ZNF695: variants seen among roughly 807,000 people sequenced by gnomAD.
The protein encoded by ZNF695 is zinc finger protein SBZF3.
ZNF695 carries 11 observed loss-of-function variants against 11.2 expected under a neutral mutation model. The ratio of observed to expected loss-of-function variants is 0.98; its 90% CI spans 0.62 to 1.62. The LOEUF (loss-of-function observed/expected upper bound fraction) is 1.62, where lower values mean the gene tolerates loss of function less well. Among genes scored for constraint, ZNF695 ranks in the 40% most tolerant of loss-of-function variants. The pLI is 0.00. For missense variants in ZNF695, 559 were observed against 590.5 expected (o/e 0.95, Z 0.55); for synonymous variants, 190 against 201.4 (o/e 0.94, Z 0.48).
chr1:246,952,361 TTTTA>T (rs1444259034), intron 5 of ZNF695, among the ~76,000 whole-genome samples: 12 of 152,360 alleles, frequency 7.9e-5, no homozygotes, highest in African/African-American at 2.9e-4. Context: ...GATTTAAACA[TTTTA>T]TTTATTTTGT....
chr1:246,953,034 C>T (rs1010266903), intron 5 of ZNF695, among the ~76,000 whole-genome samples: 2 of 152,138 alleles, frequency 1.3e-5, no homozygotes, highest in African/African-American at 4.8e-5. Context: ...GTCCACCCCA[C>T]AATCCTCTGA....
chr1:247,006,937 T>C (rs1239399460), intron 1 of ZNF695, among the ~76,000 whole-genome samples: 1 of 152,176 alleles, frequency 6.6e-6, no homozygotes, highest in Non-Finnish European at 1.5e-5. Context: ...ATTGCAAACT[T>C]GGAGAAAAAC....
chr1:246,947,238 C>T (rs1241321773), intron 5 of ZNF695, among the ~76,000 whole-genome samples: 3 of 138,240 alleles, frequency 2.2e-5, no homozygotes, highest in South Asian at 2.4e-4. Flanking sequence ...CTCCCTTTGT[C>T]GCCCAGGCTG....
chr1:246,987,484 C>A lies in ZNF695; in HGVS notation c.1031G>T (p.Arg344Ile), dbSNP rs1345264679. ...GAAGGTTTTCTCTCCAGTATGAATT[C>A]TTCTATGTTGAGTAAGGTATGACAA... Reference protein sequence around the residue: ...KLLSYLTQHRRIHTGEKTFRC... With the variant: ...KLLSYLTQHRIIHTGEKTFRC... Residue 344 changes from arginine to isoleucine, a missense_variant, in exon 4 of 4, where the codon AGA becomes ATA. Arg to Ile is a moderately conservative substitution (Grantham distance 97). Coordinates refer to ENST00000339986, the MANE Select transcript of ZNF695 (RefSeq NM_020394.5). The A allele has an allele frequency of 1.9e-6, 3 of 1,610,712 alleles. No homozygotes were observed. Among genetic ancestry groups the A allele is most frequent in the East Asian group, 2.2e-5 (1 of 44,832 alleles).
intron 4 of ZNF695, among the ~76,000 whole-genome samples, chr1:246,972,210 G>A (rs372927746): frequency 1.8e-4 from 28 of 152,270 alleles, no homozygotes; most frequent in Non-Finnish European, 3.2e-4. Flanking sequence ...TACTAACCAG[G>A]CCTCCTAGGT....
intron 3 of ZNF695, among the ~76,000 whole-genome samples, chr1:246,995,813 C>CAAAAAAAAAA (rs60375785): frequency 1.5e-5 from 1 of 66,760 alleles, no homozygotes; most frequent in Non-Finnish European, 3.0e-5. Flanking sequence ...GACTCTGTCT[C>CAAAAAAAAAA]AAAAAAAAAA....
chr1:246,978,240 C>G (rs1286656452), intron 4 of ZNF695, among the ~76,000 whole-genome samples: 1 of 152,094 alleles, frequency 6.6e-6, no homozygotes, highest in Non-Finnish European at 1.5e-5. Flanking sequence ...TACATTCATC[C>G]CAGAGTCACA....
downstream of ZNF695, among the ~76,000 whole-genome samples, chr1:246,983,407 G>T (rs988782281): frequency 1.3e-5 from 2 of 152,148 alleles, no homozygotes; most frequent in Non-Finnish European, 1.5e-5. Flanking sequence ...TGTACTCCTA[G>T]CTACCCAGGG....
chr1:246,974,167 A>C (rs12736420), intron 4 of ZNF695, among the ~76,000 whole-genome samples: 18 of 151,920 alleles, frequency 1.2e-4, no homozygotes, highest in Admixed American at 6.6e-4. Flanking sequence ...CAAACAAAAA[A>C]AAACAAACAA....
At chr1:246,972,276 C>T (rs1027478618) in intron 4 of ZNF695, among the ~76,000 whole-genome samples, 14 of 152,192 alleles carry the variant, frequency 9.2e-5, no homozygotes, top group South Asian at 2.1e-4. Context: ...GCACTTGGCT[C>T]ACAATGCCCT....
At position 246,999,435 on chromosome 1, in the gene ZNF695, C is replaced by G. The variant is rs536708166; in HGVS notation, c.172G>C (p.Ala58Pro). Residue 58 changes from alanine (A) to proline (P), a missense_variant, in exon 3 of 4, where the codon GCT (alanine) becomes CCT (proline). Physicochemically the swap from Ala to Pro is conservative, Grantham distance 27. Coordinates refer to ENST00000339986, the MANE Select transcript of ZNF695 (RefSeq NM_020394.5). ...ATGATCAGTTCTGGCTTAGACATAG[C>G]AAGACCTGTTTTATTAGAAAAAAGG... Reference protein sequence around the residue: ...FNMQFLFHSLAMSKPELIICL... With the variant: ...FNMQFLFHSLPMSKPELIICL... 2.5e-6 allele frequency: 4 copies of G among 1,613,394 alleles called. No individual in the cohort carries two copies. Among genetic ancestry groups the G allele is most frequent in the Non-Finnish European group, 2.5e-6 (3 of 1,179,722 alleles).
chr1:246,962,488 TC>T (rs1668186628), intron 5 of ZNF695, among the ~76,000 whole-genome samples: 2 of 152,176 alleles, frequency 1.3e-5, no homozygotes, highest in African/African-American at 2.4e-5. Flanking sequence ...CTCAAATCCA[TC>T]CCCTTTCCTC....
chr1:246,999,506 A>C, intron 2 of ZNF695, 66 bp from the exon 3 acceptor site: 4 of 1,262,814 alleles, frequency 3.2e-6, no homozygotes, highest in Non-Finnish European at 4.6e-6. Context: ...TACTATGCTC[A>C]GTAGAGAAGA....
rs1318199470 is a variant in ZNF695 at position 246,949,590 on chromosome 1, CAAAAAAAAAGAAA to C, written c.489-3776_489-3764del. Among the ~76,000 whole-genome samples, 28 of 106,492 alleles carry C rather than the reference CAAAAAAAAAGAAA, an allele frequency of 2.6e-4. No homozygotes were observed. The Admixed American group carries it at 2.9e-3, about 11-fold the overall frequency. 69.9% of individuals were successfully genotyped at this position (106,492 alleles called of 152,430 possible). Reference sequence around the variant, plus strand: ...TAGGCGACAGAGCAAGACCCTGTCTCAAAAAAAAAGAAAAAAAAAAAAAGAGCTCTATCTCTTG... The same window carrying C: ...TAGGCGACAGAGCAAGACCCTGTCTCAAAAAAAAAAGAGCTCTATCTCTTG... On this transcript the variant is annotated intron_variant, in intron 5 of 5. Transcript: ENST00000487338.
chr1:246,962,349 G>A (rs1668183242), intron 5 of ZNF695, among the ~76,000 whole-genome samples: 1 of 152,218 alleles, frequency 6.6e-6, no homozygotes, highest in South Asian at 2.1e-4. Context: ...CCAGAGTTCA[G>A]GGAAAGGCAT....
chr1:246,958,753 G>A (rs1668072532), intron 5 of ZNF695, among the ~76,000 whole-genome samples: 1 of 152,182 alleles, frequency 6.6e-6, no homozygotes, highest in South Asian at 2.1e-4. Context: ...AATACACGAT[G>A]TAACGCATGA....
chr1:247,005,749 A>C (rs1669513790), intron 1 of ZNF695, among the ~76,000 whole-genome samples: 1 of 152,198 alleles, frequency 6.6e-6, no homozygotes, highest in South Asian at 2.1e-4. Context: ...CTAGGCATAT[A>C]CAAAAAATCA....
At chr1:246,996,182 C>A (rs1310295911) in intron 3 of ZNF695, 1 of 334,372 alleles carries the variant, frequency 3.0e-6, no homozygotes, top group Non-Finnish European at 5.8e-6. Context: ...CTCGTCTCTA[C>A]TAAAAATACA....
chr1:246,996,084 G>C (rs887498978), intron 3 of ZNF695: 2 of 448,704 alleles, frequency 4.5e-6, no homozygotes, highest in African/African-American at 4.1e-5. Context: ...GGTGGCCCGT[G>C]CCTGTAATCC....
Sources: allele counts gnomAD v4.1 joint callset (sites outside exome capture counted in the v4.1 genomes callset), GRCh38; gene constraint gnomAD v4.1.1; transcripts MANE v1.5; gene names NCBI Gene and HGNC (gene_info 2026-07-23, HGNC 2026-07-21).